USP14: variants seen among roughly 807,000 people sequenced by gnomAD.
The protein encoded by USP14 is ubiquitin specific peptidase 14, also known as ubiquitin carboxyl-terminal hydrolase 14.
Under a neutral mutation model 76.5 loss-of-function variants are expected in USP14, and 38 were observed. That is an observed-to-expected ratio of 0.50 (90% CI 0.38 to 0.65). The LOEUF (loss-of-function observed/expected upper bound fraction) is 0.65. Among genes scored for constraint, USP14 ranks in the 30% least tolerant of loss-of-function variants. The pLI, the probability that USP14 is intolerant of heterozygous loss-of-function variation, is 0.00. For missense variants in USP14, 467 were observed against 586.5 expected, an observed-to-expected ratio of 0.80 and a Z score of 2.10; for synonymous variants, 192 against 191.7, an observed-to-expected ratio of 1.00 and a Z score of -0.01.
At chr18:203,764 C>T (rs540014739) in intron 12 of USP14, among the ~76,000 whole-genome samples, 145 of 152,224 alleles carry the variant, frequency 9.5e-4, no homozygotes, top group African/African-American at 3.2e-3. Flanking sequence ...CGCCCGCCAC[C>T]GTGCCCGGCT....
rs141269921 is a variant in USP14 at position 179,002 on chromosome 18, G to C, written c.265G>C (p.Val89Leu). 6.2e-7 allele frequency: 1 copy of C among 1,612,806 alleles called. No individual in the cohort carries two copies. The highest frequency in any genetic ancestry group is 8.5e-7 in the Non-Finnish European group (1 of 1,179,444). The stretch of plus-strand genomic sequence containing the variant: ...AGAACCCTCAGCCAAAACTGTCTTC[G>C]TAGAAGACATGACAGAAGAACAGTT... The part of the protein sequence containing the change: ...PEEPSAKTVF[V>L]EDMTEEQLAS... The change falls in exon 4 of 16, where the codon GTA (valine) becomes CTA (leucine). Residue 89 changes from valine (V) to leucine (L), a missense_variant. By Grantham distance (32) the Val-to-Leu change is conservative. Transcript: ENST00000261601.
In USP14 at chr18:207,361, G is replaced by A. The variant is rs140711496; in HGVS notation, c.1165-2610G>A. Among the ~76,000 whole-genome samples, 667 of 144,778 alleles carry A rather than the reference G, an allele frequency of 4.6e-3. 49 individuals carry two copies. The highest frequency in any genetic ancestry group is 0.016 in the African/African-American group (638 of 40,384). The allele number at this position is 144,778 out of a possible 152,430, so 95.0% of individuals were successfully genotyped here. A position where few individuals can be genotyped will look rare whatever the true frequency, so the allele number is the denominator to read the frequency against. On this transcript the variant is annotated intron_variant, in intron 13 of 15. Coordinates refer to ENST00000261601, the MANE Select transcript of USP14 (RefSeq NM_005151.4). ...GTCCATTTCTTCAAAAAAGATTGAC[G>A]GGGATTACACGGAATCTGTGGATCA...
chr18:174,595 T>C (rs1282991918), intron 3 of USP14, among the ~76,000 whole-genome samples: 1 of 147,476 alleles, frequency 6.8e-6, no homozygotes, highest in African/African-American at 2.5e-5. Context: ...TTGTCGTAAG[T>C]GGTACTTTTC....
In USP14 at chr18:199,220, TGAA is replaced by T. The variant is rs758112641; in HGVS notation, c.791_793del (p.Glu264del). On this transcript the variant is annotated inframe_deletion, in exon 10 of 16. Coordinates refer to ENST00000261601, the MANE Select transcript of USP14 (RefSeq NM_005151.4). Reference sequence around the variant, plus strand: ...TACAAAGCATGAAATGTACAGAATCTGAAGAAGAAGAAGTCACCAAAGGAAAGG... The same window carrying T: ...TACAAAGCATGAAATGTACAGAATCTGAAGAAGAAGTCACCAAAGGAAAGG... The T allele has an allele frequency of 2.4e-4, 382 of 1,613,052 alleles. 1 individual carries two copies. The highest frequency in any genetic ancestry group is 4.5e-4 in the East Asian group (20 of 44,842).
chr18:172,097 G>T (rs1909479381), intron 3 of USP14, among the ~76,000 whole-genome samples: 1 of 152,184 alleles, frequency 6.6e-6, no homozygotes, highest in Middle Eastern at 3.4e-3. Flanking sequence ...AATTAGTTGG[G>T]CATGGTGGTG....
chr18:165,240 C>G (rs1298462901), intron 2 of USP14, among the ~76,000 whole-genome samples: 1 of 152,206 alleles, frequency 6.6e-6, no homozygotes, highest in Non-Finnish European at 1.5e-5. Context: ...AGCCACCACA[C>G]CCGGCCTCTA....
At chr18:202,184 A>G (rs1371344104) in intron 10 of USP14, among the ~76,000 whole-genome samples, 1 of 152,236 alleles carries the variant, frequency 6.6e-6, no homozygotes, top group Non-Finnish European at 1.5e-5. Context: ...AATGTTTGTT[A>G]AATGTAGAGT....
intron 3 of USP14, among the ~76,000 whole-genome samples, chr18:172,663 A>AC (rs1296691020): frequency 2.0e-5 from 3 of 151,670 alleles, no homozygotes; most frequent in Middle Eastern, 3.4e-3. Flanking sequence ...TGGAAACAAG[A>AC]CCCCCCACCT....
chr18:169,967 C>T (rs1389082939), intron 3 of USP14, among the ~76,000 whole-genome samples: 1 of 152,036 alleles, frequency 6.6e-6, no homozygotes, highest in African/African-American at 2.4e-5. Context: ...CTCGAGCCTC[C>T]CTATTCCCTG....
intron 4 of USP14, 23 bp from the exon 5 acceptor site, chr18:180,213 T>C: frequency 1.5e-6 from 1 of 660,204 alleles, no homozygotes; most frequent in South Asian, 3.4e-5. Context: ...ATTTAATCCT[T>C]TTTTTTTTTT....
intron 1 of USP14, among the ~76,000 whole-genome samples, chr18:162,772 A>T (rs1909156427): frequency 6.6e-6 from 1 of 152,024 alleles, no homozygotes; most frequent in Non-Finnish European, 1.5e-5. Context: ...GACATTAGCA[A>T]ATCAATCTAC....
intron 3 of USP14, among the ~76,000 whole-genome samples, chr18:171,725 T>C (rs568282798): frequency 3.9e-5 from 6 of 152,324 alleles, no homozygotes; most frequent in African/African-American, 1.2e-4. Flanking sequence ...CCTATAAAGT[T>C]ATTTCTCCAT....
chr18:192,092 C>T (rs899848178), intron 5 of USP14, among the ~76,000 whole-genome samples: 4 of 152,270 alleles, frequency 2.6e-5, no homozygotes, highest in African/African-American at 9.6e-5. Context: ...GCAAACTGAC[C>T]TACAACCTTA....
intron 5 of USP14, among the ~76,000 whole-genome samples, chr18:189,481 T>C (rs1009810537): frequency 6.6e-6 from 1 of 151,940 alleles, no homozygotes; most frequent in South Asian, 2.1e-4. Flanking sequence ...GTTTTGTTTG[T>C]TTTTTCTTTG....
At chr18:208,257 C>A (rs1019655761) in intron 13 of USP14, among the ~76,000 whole-genome samples, 1 of 151,870 alleles carries the variant, frequency 6.6e-6, no homozygotes, top group Non-Finnish European at 1.5e-5. Context: ...AGAATTGATC[C>A]ATTTCATAAG....
At chr18:191,724 A>G (rs1413397687) in intron 5 of USP14, among the ~76,000 whole-genome samples, 1 of 152,160 alleles carries the variant, frequency 6.6e-6, no homozygotes, top group East Asian at 1.9e-4. Context: ...AGATCCATTC[A>G]TATTATTACT....
chr18:171,021 AAAAAAT>A (rs1310919554), intron 3 of USP14, among the ~76,000 whole-genome samples: 2 of 84,554 alleles, frequency 2.4e-5, no homozygotes, highest in African/African-American at 1.2e-4. Context: ...AAAAAAAAAA[AAAAAAT>A]ATATATATAT....
Position 203,128 on chromosome 18 carries a change from A to C in USP14, c.973A>C (p.Thr325Pro). 1 of 1,614,062 alleles carries C rather than the reference A, an allele frequency of 6.2e-7. No homozygotes were observed. The highest frequency in any genetic ancestry group is 1.7e-4 in the Middle Eastern group (1 of 6,058). Residue 325 changes from threonine (T) to proline (P), a missense_variant, in exon 12 of 16, where the codon ACC becomes CCC. Transcript: ENST00000261601. Reference sequence around the variant, plus strand: ...GATCAGCCGGCTGCCTGCTTACTTGACCATTCAGATGGTTCGATTTTTTTA... The same window carrying C: ...GATCAGCCGGCTGCCTGCTTACTTGCCCATTCAGATGGTTCGATTTTTTTA... ...SKISRLPAYL[T>P]IQMVRFFYKE...
chr18:174,996 GAACTGGTCTCA>G (rs1268090028), intron 3 of USP14, among the ~76,000 whole-genome samples: 1 of 151,848 alleles, frequency 6.6e-6, no homozygotes, highest in Admixed American at 6.6e-5. Context: ...GGCTGTTCTC[GAACTGGTCTCA>G]AGCAATCCTT....
Sources: gnomAD v4.1 joint callset for allele counts (sites outside exome capture counted in the v4.1 genomes callset) on GRCh38, gnomAD v4.1.1 for gene constraint, MANE v1.5 for transcripts, NCBI Gene and HGNC (gene_info 2026-07-23, HGNC 2026-07-21) for gene names.